Variants in NEXMIF observed in about 807,000 individuals in gnomAD.
NEXMIF encodes the protein neurite extension and migration factor.
A neutral mutation model predicts 62.1 loss-of-function variants in NEXMIF; 8 were observed. The ratio of observed to expected loss-of-function variants is 0.13; its 90% CI spans 0.08 to 0.23. The LOEUF is 0.23. Among genes scored for constraint, NEXMIF ranks in the 10% least tolerant of loss-of-function variants. The pLI is 1.00. For missense variants in NEXMIF, 976 were observed against 1,113.3 expected (o/e 0.88, Z 1.75); for synonymous variants, 404 against 416.6 (o/e 0.97, Z 0.37).
intron 1 of NEXMIF, among the ~76,000 whole-genome samples, chrX:74,794,425 TTTTG>T (rs2080298163): frequency 1.8e-5 from 2 of 109,529 alleles, no homozygotes; most frequent in Admixed American, 1.9e-4. Flanking sequence ...ACTGCTGTCT[TTTTG>T]TTTGTCTGTG....
intron 1 of NEXMIF, among the ~76,000 whole-genome samples, chrX:74,892,478 A>G (rs1214390571): frequency 5.4e-5 from 6 of 111,861 alleles, no homozygotes; most frequent in Non-Finnish European, 3.8e-5. Context: ...GTATTTTTAT[A>G]CCCGTAAACC....
Position 74,801,250 on chromosome X carries a change from T to C in NEXMIF, c.-47-55553A>G, listed in dbSNP as rs144445674. Among the ~76,000 whole-genome samples, 26 of 112,251 alleles carry C rather than the reference T, an allele frequency of 2.3e-4. 1 individual carries two copies. The East Asian group carries it at 7.2e-3, about 31-fold the overall frequency. The stretch of plus-strand genomic sequence containing the variant: ...AAGACATCACGGTTGCTTAGAAGTT[T>C]GAGCAATTATGAATAATGCTACTAT... On this transcript the variant is annotated intron_variant, in intron 1 of 3. Transcript: ENST00000055682.
At chrX:74,779,179 A>G (rs1432740508) in intron 1 of NEXMIF, among the ~76,000 whole-genome samples, 1 of 112,540 alleles carries the variant, frequency 8.9e-6, no homozygotes, top group Non-Finnish European at 1.9e-5. Context: ...CAACAAATAG[A>G]TATGTTTTTC....
chrX:74,893,588 A>C (rs190129889), intron 1 of NEXMIF, among the ~76,000 whole-genome samples: 1 of 112,490 alleles, frequency 8.9e-6, no homozygotes, highest in East Asian at 2.8e-4. Flanking sequence ...AGAAGAGATA[A>C]AAGAAGATGA....
intron 1 of NEXMIF, among the ~76,000 whole-genome samples, chrX:74,891,495 G>T (rs1382402395): frequency 8.9e-6 from 1 of 111,822 alleles, no homozygotes; most frequent in Admixed American, 9.5e-5. Context: ...ACTGAATGAT[G>T]TTGCTTCTGG....
At chrX:74,818,094 TAAAA>T (rs990735062) in intron 1 of NEXMIF, among the ~76,000 whole-genome samples, 1 of 108,180 alleles carries the variant, frequency 9.2e-6, no homozygotes, top group Non-Finnish European at 1.9e-5. Context: ...TTCACAGAAT[TAAAA>T]AAAAATTATA....
intron 1 of NEXMIF, among the ~76,000 whole-genome samples, chrX:74,875,572 C>A (rs1016696928): frequency 1.8e-5 from 2 of 111,862 alleles, no homozygotes; most frequent in African/African-American, 3.3e-5. Flanking sequence ...AGGAATGGTA[C>A]CAGTTCCTCC....
rs780639747 is a variant in NEXMIF, at chrX:74,821,598, CTTAAT to C, written c.-47-75906_-47-75902del. ...ATGAATAATATCGACTGCATCAAAACTTAATTTAATTCATTAGTTTTCAATCTCCT... is the reference window on the plus strand; with the variant it reads ...ATGAATAATATCGACTGCATCAAAACTTAATTCATTAGTTTTCAATCTCCT... On this transcript the variant is annotated intron_variant, in intron 1 of 3. Coordinates refer to ENST00000055682, the MANE Select transcript of NEXMIF (RefSeq NM_001008537.3). Among the ~76,000 whole-genome samples the C allele has an allele frequency of 1.3e-3, 151 of 112,290 alleles. 3 individuals are homozygous for C. The highest frequency in any genetic ancestry group is 4.7e-3 in the African/African-American group (145 of 30,937).
At chrX:74,875,593 G>A (rs917992506) in intron 1 of NEXMIF, among the ~76,000 whole-genome samples, 7 of 111,782 alleles carry the variant, frequency 6.3e-5, no homozygotes, top group African/African-American at 2.3e-4. Flanking sequence ...TTGTACCTCT[G>A]GTAGAGTTCG....
intron 1 of NEXMIF, among the ~76,000 whole-genome samples, chrX:74,791,388 A>G (rs1384644757): frequency 9.0e-6 from 1 of 111,401 alleles, no homozygotes; most frequent in Non-Finnish European, 1.9e-5. Context: ...CCAGTATTTT[A>G]TTGAGGATTT....
chrX:74,789,423 T>C (rs369483881), intron 1 of NEXMIF, among the ~76,000 whole-genome samples: 6 of 108,963 alleles, frequency 5.5e-5, no homozygotes, highest in Non-Finnish European at 9.5e-5. Flanking sequence ...TGAATAATGC[T>C]GCAATAAACA....
intron 1 of NEXMIF, among the ~76,000 whole-genome samples, chrX:74,814,295 G>A (rs936534824): frequency 9.0e-6 from 1 of 111,598 alleles, no homozygotes; most frequent in Non-Finnish European, 1.9e-5. Flanking sequence ...ATAAGTGTAT[G>A]TTTCTACTTT....
At chrX:74,744,604 A>G (rs1284331667) in intron 2 of NEXMIF, 127 bp from the exon 3 acceptor site, 22 of 407,686 alleles carry the variant, frequency 5.4e-5, no homozygotes, top group Non-Finnish European at 8.9e-5. Context: ...TCACATCTCT[A>G]TCTTTACAAA....
At chrX:74,790,674 C>T (rs1384551088) in intron 1 of NEXMIF, among the ~76,000 whole-genome samples, 1 of 113,600 alleles carries the variant, frequency 8.8e-6, no homozygotes, top group African/African-American at 3.2e-5. Context: ...TGTAGTTCTC[C>T]TTGAAGAGGT....
At chrX:74,831,632 T>G (rs2080437656) in intron 1 of NEXMIF, among the ~76,000 whole-genome samples, 1 of 110,889 alleles carries the variant, frequency 9.0e-6, no homozygotes, top group African/African-American at 3.3e-5. Context: ...TTTGCTATTG[T>G]GAATAGTGCC....
At chrX:74,859,199 C>T (rs905221711) in intron 1 of NEXMIF, among the ~76,000 whole-genome samples, 1 of 110,974 alleles carries the variant, frequency 9.0e-6, no homozygotes, top group East Asian at 2.8e-4. Context: ...CAAAAGAATA[C>T]CTCAAAGCAT....
At chrX:74,905,998 G>T (rs1030747462) in intron 1 of NEXMIF, among the ~76,000 whole-genome samples, 4 of 110,653 alleles carry the variant, frequency 3.6e-5, no homozygotes, top group African/African-American at 1.3e-4. Context: ...GGCTGGGCAG[G>T]GTGGCTCATG....
intron 1 of NEXMIF, among the ~76,000 whole-genome samples, chrX:74,760,953 C>T (rs931029783): frequency 4.6e-5 from 5 of 109,686 alleles, no homozygotes; most frequent in Admixed American, 9.8e-5. Context: ...CTGCAACCTC[C>T]GCCTCCCTGG....
At chrX:74,834,987 T>C (rs1006330310) in intron 1 of NEXMIF, among the ~76,000 whole-genome samples, 2 of 111,870 alleles carry the variant, frequency 1.8e-5, no homozygotes, top group African/African-American at 6.5e-5. Context: ...TGTGCTTCAT[T>C]GTTTTTCATT....
Sources: allele counts gnomAD v4.1 joint callset (sites outside exome capture counted in the v4.1 genomes callset), GRCh38; gene constraint gnomAD v4.1.1; transcripts MANE v1.5; gene names NCBI Gene and HGNC (gene_info 2026-07-23, HGNC 2026-07-21).